The following ANKHD1 variants were observed in gnomAD, a reference collection of about 807,000 sequenced individuals.
ANKHD1 encodes the protein ankyrin repeat and KH domain-containing protein 1.
In ANKHD1, 31 loss-of-function variants were observed where a neutral mutation model predicts 230.5. The observed-to-expected ratio is 0.13, with a 90% CI of 0.10 to 0.18. The LOEUF is 0.18. Ranked by LOEUF, ANKHD1 falls within the 10% of genes least tolerant of loss-of-function variation. ANKHD1 has a pLI of 1.00. For missense variants in ANKHD1, 2,256 were observed against 3,071.3 expected (o/e 0.73, Z 6.27); for synonymous variants, 1,074 against 1,117.6 (o/e 0.96, Z 0.78).
chr5:140,485,351 G>A lies in ANKHD1; in HGVS notation c.1998+103G>A. On this transcript the variant is annotated intron_variant, in intron 12 of 33. Transcript: ENST00000360839. The surrounding 1 kb of genome is among the most constrained non-coding windows in gnomAD (Gnocchi z 4.8). ...GCGGGTGGATCACTTGAGCCCAGGA[G>A]TTTGAGACTAGTCTAGGCAACATAA... 4 of 1,450,324 alleles carry A rather than the reference G, an allele frequency of 2.8e-6. 1 individual carries two copies. The South Asian group carries it at 5.7e-5, about 21-fold the overall frequency. 89.8% of individuals were successfully genotyped at this position (1,450,324 alleles called of 1,614,324 possible).
At chr5:140,518,360 C>A (rs1419099446) in intron 24 of ANKHD1, among the ~76,000 whole-genome samples, 108 of 142,578 alleles carry the variant, frequency 7.6e-4, no homozygotes, top group East Asian at 1.0e-3. Context: ...ACCAGAGGTA[C>A]AAGGAGGAGC....
Position 140,526,125 on chromosome 5 carries a change from C to T in ANKHD1, c.4622C>T (p.Thr1541Ile). ...KRANVVTTPS[T>I]NRKNKKNKTK... The stretch of plus-strand genomic sequence containing the variant: ...GCCAATGTGGTGACAACTCCCAGCA[C>T]CAATCGGAAAAATAAGAAGAACAAA... The change falls in exon 26 of 34, where the codon ACC becomes ATC. Residue 1541 changes from threonine to isoleucine, a missense_variant. Transcript: ENST00000360839. 1 of 1,613,830 alleles carries T rather than the reference C, an allele frequency of 6.2e-7. No individual in the cohort carries two copies. The highest frequency in any genetic ancestry group is 2.2e-5 in the East Asian group (1 of 44,880).
At chr5:140,511,743 G>A (rs893404014) in intron 22 of ANKHD1, among the ~76,000 whole-genome samples, 1 of 152,108 alleles carries the variant, frequency 6.6e-6, no homozygotes, top group South Asian at 2.1e-4. Context: ...TTTGATAAAC[G>A]TATACATACA....
intron 7 of ANKHD1, among the ~76,000 whole-genome samples, chr5:140,457,851 A>T (rs914236252): frequency 1.5e-4 from 22 of 144,786 alleles, no homozygotes; most frequent in African/African-American, 5.6e-4. Context: ...CTTAAAGTAT[A>T]AAAAAAAAAA....
chr5:140,466,186 G>A (rs1776069468), intron 10 of ANKHD1, among the ~76,000 whole-genome samples: 1 of 151,958 alleles, frequency 6.6e-6, no homozygotes, highest in African/African-American at 2.4e-5. Flanking sequence ...GAGGTCAGGT[G>A]TTAAAGACCA....
Position 140,526,196 on chromosome 5 carries a change from C to T in ANKHD1, c.4693C>T (p.His1565Tyr). The change falls in exon 26 of 34, where the codon CAT becomes TAT. Residue 1565 changes from histidine (H) to tyrosine (Y), a missense_variant. Transcript: ENST00000360839. ...AGCACATTTAATTTTACCAGAACAA[C>T]ATATGTCTTTAGCCCAACAAAAGGC... Reference protein sequence around the residue: ...PTAHLILPEQHMSLAQQKADK... With the variant: ...PTAHLILPEQYMSLAQQKADK... 6.2e-7 allele frequency: 1 copy of T among 1,614,084 alleles called. No homozygotes were observed. Among genetic ancestry groups the T allele is most frequent in the Non-Finnish European group, 8.5e-7 (1 of 1,180,022 alleles).
At chr5:140,438,355 T>A in intron 2 of ANKHD1, 106 bp from the exon 3 acceptor site, 1 of 1,412,488 alleles carries the variant, frequency 7.1e-7, no homozygotes, top group Non-Finnish European at 9.3e-7. Flanking sequence ...TTCTATACCA[T>A]TTCTTTTTCC....
intron 20 of ANKHD1, 94 bp from the exon 21 acceptor site, chr5:140,509,543 A>C (rs1012933503): frequency 1.5e-6 from 2 of 1,368,808 alleles, no homozygotes; most frequent in Non-Finnish European, 1.9e-6. Flanking sequence ...TAATTGCCTC[A>C]GGTTTTTAAA....
Position 140,441,004 on chromosome 5 carries a change from G to A in ANKHD1, c.775G>A (p.Ala259Thr), listed in dbSNP as rs1186557287. ...GYYELAQVLL[A>T]MHANVEDRGN... is the part of the protein sequence containing the mutation. ...TATATGTGTTTTAAAGGTATTGCTTGCTATGCATGCTAATGTTGAAGATCG... is the reference window on the plus strand; with the variant it reads ...TATATGTGTTTTAAAGGTATTGCTTACTATGCATGCTAATGTTGAAGATCG... Residue 259 changes from alanine to threonine, a missense_variant, in exon 5 of 34, where the codon GCT becomes ACT. Physicochemically the swap from Ala to Thr is moderately conservative, Grantham distance 58. Transcript: ENST00000360839. 1 of 1,603,498 alleles carries A rather than the reference G, an allele frequency of 6.2e-7. No individual in the cohort carries two copies. The highest frequency in any genetic ancestry group is 8.5e-7 in the Non-Finnish European group (1 of 1,176,538).
intron 29 of ANKHD1, among the ~76,000 whole-genome samples, chr5:140,535,145 C>T (rs1351784579): frequency 1.3e-5 from 2 of 151,982 alleles, no homozygotes; most frequent in Non-Finnish European, 2.9e-5. Flanking sequence ...TGCTGTTTGG[C>T]GATATTCTTC....
At chr5:140,502,136 A>G (rs1048597271) in intron 15 of ANKHD1, among the ~76,000 whole-genome samples, 1 of 152,010 alleles carries the variant, frequency 6.6e-6, no homozygotes, top group African/African-American at 2.4e-5. Flanking sequence ...GAGATATTTC[A>G]TTCAGAGGTA....
chr5:140,521,427 C>T (rs978761289), intron 24 of ANKHD1, among the ~76,000 whole-genome samples: 1 of 151,398 alleles, frequency 6.6e-6, no homozygotes, highest in Non-Finnish European at 1.5e-5. Context: ...TTGAGACCAG[C>T]AGTTCAAGAC....
At chr5:140,489,025 C>G (rs765238961) in intron 14 of ANKHD1, among the ~76,000 whole-genome samples, 2 of 151,586 alleles carry the variant, frequency 1.3e-5, no homozygotes, top group Non-Finnish European at 2.9e-5. Context: ...CCCTGTCTAA[C>G]AAAAAAATAC....
chr5:140,440,895 CT>C (rs1773799030), intron 4 of ANKHD1, 99 bp from the exon 5 acceptor site: 19 of 1,318,090 alleles, frequency 1.4e-5, no homozygotes, highest in South Asian at 5.0e-5. Context: ...TTTCCCACCC[CT>C]ATTCTAGAAG....
At chr5:140,476,189 T>A (rs555439381) in intron 10 of ANKHD1, among the ~76,000 whole-genome samples, 2 of 151,516 alleles carry the variant, frequency 1.3e-5, no homozygotes, top group Admixed American at 1.3e-4. Flanking sequence ...AAATATATAA[T>A]GAAATATAGT....
At chr5:140,464,932 G>T in intron 10 of ANKHD1, 156 bp downstream of exon 10, 1 of 672,428 alleles carries the variant, frequency 1.5e-6, no homozygotes. Flanking sequence ...TGTATTAAAT[G>T]TATTTGAAAA....
intron 1 of ANKHD1, among the ~76,000 whole-genome samples, chr5:140,408,292 T>G (rs1416114546): frequency 1.3e-5 from 2 of 152,198 alleles, no homozygotes; most frequent in African/African-American, 4.8e-5. Flanking sequence ...CCCCATTAAT[T>G]CTTCAAATTC....
In ANKHD1 at chr5:140,507,912, G is replaced by A; in HGVS notation, c.3679G>A (p.Ala1227Thr). 6.2e-7 allele frequency: 1 copy of A among 1,613,976 alleles called. No homozygotes were observed. The highest frequency in any genetic ancestry group is 8.5e-7 in the Non-Finnish European group (1 of 1,179,940). ...CCAAATAGAGACCAATCGGAACACG[G>A]CTCTCACCCTGGCCTGTTTCCAGGG... ...NAQIETNRNT[A>T]LTLACFQGRA... is the part of the protein sequence containing the mutation. The change falls in exon 20 of 34, where the codon GCT (alanine) becomes ACT (threonine). Residue 1227 changes from alanine (A) to threonine (T), a missense_variant. Ala to Thr is a moderately conservative substitution (Grantham distance 58). Around this residue, in one of 13 missense-constraint regions of ANKHD1, gnomAD observed 195 missense variants for 340.3 expected, o/e 0.57. Coordinates refer to ENST00000360839, the MANE Select transcript of ANKHD1 (RefSeq NM_017747.3). The surrounding 1 kb of genome is among the most constrained non-coding windows in gnomAD (Gnocchi z 4.1).
chr5:140,458,819 C>G lies in ANKHD1; in HGVS notation c.1437C>G (p.Ala479=), dbSNP rs766613690. The G allele has an allele frequency of 7.1e-5, 114 of 1,612,106 alleles. No homozygotes were observed. The highest frequency in any genetic ancestry group is 9.0e-5 in the Non-Finnish European group (106 of 1,179,440). The change falls in exon 8 of 34, where the codon GCC becomes GCG. Residue 479 remains alanine, a synonymous_variant. Coordinates refer to ENST00000360839, the MANE Select transcript of ANKHD1 (RefSeq NM_017747.3). ...GATACACTCCCTTGATGGAAGCTGC[C>G]CGGGAAGGACATGAAGAAATGGTGG... ...DEGYTPLMEA[A]REGHEEMVAL...
Sources: gnomAD v4.1 joint callset for allele counts (sites outside exome capture counted in the v4.1 genomes callset) on GRCh38, gnomAD v4.1.1 for gene constraint, gnomAD v4.1.1 regional missense constraint, Gnocchi (gnomAD v3.1) non-coding constraint, MANE v1.5 for transcripts, NCBI Gene and HGNC (gene_info 2026-07-23, HGNC 2026-07-21) for gene names.